TSHZ2: variants seen among roughly 807,000 people sequenced by gnomAD.
TSHZ2 encodes the protein teashirt homolog 2.
Under a neutral mutation model 74.4 loss-of-function variants are expected in TSHZ2, and 21 were observed. The ratio of observed to expected loss-of-function variants is 0.28; its 90% CI spans 0.20 to 0.41. The LOEUF is 0.41. TSHZ2 is among the 10% of genes least tolerant of loss of function. The pLI, the probability that TSHZ2 is intolerant of heterozygous loss-of-function variation, is 1.00. For missense variants in TSHZ2, 1,244 were observed against 1,293.5 expected, an observed-to-expected ratio of 0.96 and a Z score of 0.59; for synonymous variants, 540 against 515.3, an observed-to-expected ratio of 1.05 and a Z score of -0.65.
At chr20:53,101,381 A>G (rs1986213080) in intron 1 of TSHZ2, among the ~76,000 whole-genome samples, 1 of 152,224 alleles carries the variant, frequency 6.6e-6, no homozygotes, top group Admixed American at 6.5e-5. Context: ...ACTTACGTCA[A>G]TTTATTCCTT....
chr20:53,277,605 T>A (rs1990973391), intron 2 of TSHZ2, among the ~76,000 whole-genome samples: 1 of 152,238 alleles, frequency 6.6e-6, no homozygotes, highest in Non-Finnish European at 1.5e-5. Context: ...GTTATCTCAT[T>A]CTCAGGCAAA....
At chr20:53,477,876 G>T (rs932995024) in intron 2 of TSHZ2, among the ~76,000 whole-genome samples, 5 of 151,122 alleles carry the variant, frequency 3.3e-5, no homozygotes, top group African/African-American at 1.2e-4. Flanking sequence ...CTTCTCAAAA[G>T]AAGACATTTA....
chr20:53,027,826 G>A (rs375652315), intron 1 of TSHZ2, among the ~76,000 whole-genome samples: 13 of 152,218 alleles, frequency 8.5e-5, no homozygotes, highest in South Asian at 8.3e-4. Context: ...TACACCTTGC[G>A]AACAGCACAG....
chr20:53,092,746 A>G (rs922673611), intron 1 of TSHZ2, among the ~76,000 whole-genome samples: 4 of 152,200 alleles, frequency 2.6e-5, no homozygotes, highest in Admixed American at 2.6e-4. Flanking sequence ...GGACAGTGGC[A>G]CTCATGGTAA....
intron 2 of TSHZ2, among the ~76,000 whole-genome samples, chr20:53,353,745 A>G (rs940477686): frequency 6.6e-5 from 10 of 152,350 alleles, no homozygotes; most frequent in Middle Eastern, 3.4e-3. Flanking sequence ...TGAAATAACT[A>G]TGTCATTCAG....
intron 2 of TSHZ2, among the ~76,000 whole-genome samples, chr20:53,332,997 C>G (rs552396215): frequency 6.6e-6 from 1 of 152,292 alleles, no homozygotes; most frequent in Admixed American, 6.5e-5. Flanking sequence ...GTGTGTGATT[C>G]TCTCTCCCAG....
chr20:53,253,075 A>C (rs539223622), intron 1 of TSHZ2, among the ~76,000 whole-genome samples: 273 of 152,256 alleles, frequency 1.8e-3, no homozygotes, highest in Non-Finnish European at 3.2e-3. Flanking sequence ...AAACTTTACC[A>C]TCTAGATGCC....
At chr20:53,446,469 C>T (rs1160013451) in intron 2 of TSHZ2, among the ~76,000 whole-genome samples, 1 of 150,346 alleles carries the variant, frequency 6.7e-6, no homozygotes, top group Non-Finnish European at 1.5e-5. Context: ...GTCCCAGCTA[C>T]TCGGGAGGCT....
rs763770594 is a variant in TSHZ2 at position 53,275,293 on chromosome 20, GTC to G, written c.*8+18725_*8+18726del. Among the ~76,000 whole-genome samples, 7 of 152,178 alleles carry G rather than the reference GTC, an allele frequency of 4.6e-5. 1 individual carries two copies. Among genetic ancestry groups the G allele is most frequent in the East Asian group, 3.9e-4 (2 of 5,180 alleles). Reference sequence around the variant, plus strand: ...TAAGTTCCTAGTTCAAAAATGCAGAGTCTCCTCTGTCCTCATGTTAATTTTTA... The same window carrying G: ...TAAGTTCCTAGTTCAAAAATGCAGAGTCCTCTGTCCTCATGTTAATTTTTA... On this transcript the variant is annotated intron_variant, in intron 2 of 2. Coordinates refer to ENST00000371497, the MANE Select transcript of TSHZ2 (RefSeq NM_173485.6).
chr20:53,154,475 T>C (rs779839150), intron 1 of TSHZ2, among the ~76,000 whole-genome samples: 50 of 152,220 alleles, frequency 3.3e-4, no homozygotes, highest in Admixed American at 1.7e-3. Flanking sequence ...TGACCTTCCA[T>C]GCACAACCAC....
Position 53,200,052 on chromosome 20 carries a change from G to A in TSHZ2, c.41-53447G>A, listed in dbSNP as rs141543002. On this transcript the variant is annotated intron_variant, in intron 1 of 2. Transcript: ENST00000371497. ...AGGGTAGTTTAGAGCTCAATCCTGG[G>A]AGGAACAACCAATCAATCAATCAGC... Among the ~76,000 whole-genome samples, 900 of 152,306 alleles carry A rather than the reference G, an allele frequency of 5.9e-3. 15 individuals are homozygous for A. The highest frequency in any genetic ancestry group is 0.021 in the African/African-American group (857 of 41,566).
At chr20:53,366,414 C>T (rs541725717) in intron 2 of TSHZ2, among the ~76,000 whole-genome samples, 1 of 152,330 alleles carries the variant, frequency 6.6e-6, no homozygotes, top group African/African-American at 2.4e-5. Flanking sequence ...GAAATAATTA[C>T]TCAAAAACTA....
intron 2 of TSHZ2, among the ~76,000 whole-genome samples, chr20:53,289,927 T>A (rs1030616354): frequency 6.6e-6 from 1 of 152,204 alleles, no homozygotes; most frequent in African/African-American, 2.4e-5. Context: ...TTTTCTACAT[T>A]GCTATTATTT....
chr20:53,032,780 G>T (rs1052747252), intron 1 of TSHZ2, among the ~76,000 whole-genome samples: 1 of 151,848 alleles, frequency 6.6e-6, no homozygotes, highest in Non-Finnish European at 1.5e-5. Flanking sequence ...TTGCCAGGAG[G>T]CCTGCTAGCA....
chr20:53,095,242 G>A (rs1986003303), intron 1 of TSHZ2, among the ~76,000 whole-genome samples: 1 of 152,192 alleles, frequency 6.6e-6, no homozygotes, highest in South Asian at 2.1e-4. Flanking sequence ...CTCTCCTCGT[G>A]GTAACCAGGT....
intron 2 of TSHZ2, among the ~76,000 whole-genome samples, chr20:53,331,184 T>A (rs1979708363): frequency 6.6e-6 from 1 of 152,192 alleles, no homozygotes; most frequent in Admixed American, 6.5e-5. Context: ...TGGTAGGGCA[T>A]AGTGATAAAG....
chr20:53,085,991 A>G (rs1234566079), intron 1 of TSHZ2, among the ~76,000 whole-genome samples: 1 of 152,078 alleles, frequency 6.6e-6, no homozygotes, highest in African/African-American at 2.4e-5. Flanking sequence ...TGCATGTGGC[A>G]TGGTCTCCAG....
chr20:53,105,012 A>G (rs1219338262), intron 1 of TSHZ2, among the ~76,000 whole-genome samples: 1 of 152,174 alleles, frequency 6.6e-6, no homozygotes, highest in Non-Finnish European at 1.5e-5. Flanking sequence ...CAGCAGCATA[A>G]TAATATCCTA....
At chr20:53,051,457 G>GCACACACACACACACA (rs11474223) in intron 1 of TSHZ2, among the ~76,000 whole-genome samples, 138 of 145,206 alleles carry the variant, frequency 9.5e-4, no homozygotes, top group Admixed American at 2.1e-3. Flanking sequence ...TGTGGCGCAC[G>GCACACACACACACACA]CACACACACA....
Sources: allele counts gnomAD v4.1 joint callset (sites outside exome capture counted in the v4.1 genomes callset), GRCh38; gene constraint gnomAD v4.1.1; transcripts MANE v1.5; gene names NCBI Gene and HGNC (gene_info 2026-07-23, HGNC 2026-07-21).